SCML1: variants seen among roughly 807,000 people sequenced by gnomAD.
The protein encoded by SCML1 is Scm polycomb group protein like 1.
For synonymous variants in SCML1, 104 were observed against 103.6 expected (o/e 1.00, Z -0.02); for missense variants, 137 against 258.1 (o/e 0.53, Z 3.22).
In SCML1 at chrX:17,750,201, GTTC is replaced by G. The variant is rs1569330623; in HGVS notation, c.618_620del (p.Ser207del). ...TATGCATCTGATGGTGCAACGTATG[GTTC>G]TTCTTCAGGGCTCTGCCTTGGCAAC... On this transcript the variant is annotated inframe_deletion, in exon 6 of 8. Coordinates refer to ENST00000380041, the MANE Select transcript of SCML1 (RefSeq NM_001037540.3). 2 of 1,211,868 alleles carry G rather than the reference GTTC, an allele frequency of 1.7e-6. No individual in the cohort carries two copies. Among genetic ancestry groups the G allele is most frequent in the Non-Finnish European group, 2.2e-6 (2 of 895,431 alleles).
Position 17,750,430 on chromosome X carries a change from C to T in SCML1, c.703+137C>T, listed in dbSNP as rs760565665. ...TGGTGAGTTTGAAATGCCATATTTA[C>T]AAGTAGCACTATTTGACCTATATTT... On this transcript the variant is annotated intron_variant, in intron 6 of 7. Transcript: ENST00000380041. 1.0e-4 allele frequency: 65 copies of T among 620,613 alleles called. No homozygotes were observed. The South Asian group carries it at 2.1e-3, about 20-fold the overall frequency. The allele number at this position is 620,613 out of a possible 1,213,427, so 51.1% of individuals were successfully genotyped here. A position where few individuals can be genotyped will look rare whatever the true frequency, so the allele number is the denominator to read the frequency against.
chrX:17,745,198 G>T (rs747496427), intron 2 of SCML1: 1 of 240,071 alleles, frequency 4.2e-6, no homozygotes, highest in African/African-American at 2.8e-5. Flanking sequence ...GGTGCTAAAG[G>T]ACTAGTCTTT....
intron 7 of SCML1, 29 bp from the exon 8 acceptor site, chrX:17,753,225 TATTA>T (rs1481889261): frequency 1.8e-6 from 2 of 1,092,342 alleles, no homozygotes; most frequent in Admixed American, 3.1e-5. Flanking sequence ...ATGGAAGCAT[TATTA>T]ATTATCGTTA....
At position 17,752,335 on chromosome X, in the gene SCML1, C is replaced by T. The variant is rs769952014; in HGVS notation, c.855+369C>T. ...CCACAAGCTATAACAGGGTGGCCTT[C>T]GTTTTATATAACCAGTGATTCAACA... On this transcript the variant is annotated intron_variant, in intron 7 of 7. Transcript: ENST00000380041. Among the ~76,000 whole-genome samples the T allele has an allele frequency of 5.4e-5, 6 of 111,952 alleles. No homozygotes were observed. The South Asian group carries it at 1.5e-3, about 28-fold the overall frequency.
Position 17,740,524 on chromosome X carries a change from A to G in SCML1, c.-117+2844A>G, listed in dbSNP as rs181061731. 1.8e-3 allele frequency among the ~76,000 whole-genome samples: 200 copies of G among 111,931 alleles called. 1 individual carries two copies. Among genetic ancestry groups the G allele is most frequent in the African/African-American group, 6.1e-3 (187 of 30,750 alleles). On this transcript the variant is annotated intron_variant, in intron 1 of 7. Coordinates refer to ENST00000380041, the MANE Select transcript of SCML1 (RefSeq NM_001037540.3). ...ACAGACAAAAAAAAAAAAGGATTTA[A>G]GTAAGTTGTTCAACTTACTTACACA... is the stretch of plus-strand genomic sequence containing the variant.
chrX:17,747,994 T>C (rs1459190630), intron 4 of SCML1, among the ~76,000 whole-genome samples: 1 of 111,098 alleles, frequency 9.0e-6, no homozygotes, highest in Non-Finnish European at 1.9e-5. Flanking sequence ...TGGTTCTCAC[T>C]AGGGCCATCA....
Position 17,753,367 on chromosome X carries a change from A to G in SCML1, c.965A>G (p.Lys322Arg). The change falls in exon 8 of 8, where the codon AAA (lysine) becomes AGA (arginine). Residue 322 changes from lysine (K) to arginine (R), a missense_variant. Physicochemically the swap from Lys to Arg is conservative, Grantham distance 26. Transcript: ENST00000380041. ...CTATGCTACTACATTGACCGACTTA[A>G]ACAAGGAAAATGCTTTGAAAATTGA... Reference protein sequence around the residue: ...VKLCYYIDRLKQGKCFEN With the variant: ...VKLCYYIDRLRQGKCFEN The G allele has an allele frequency of 8.8e-7, 1 of 1,136,728 alleles. No homozygotes were observed. The highest frequency in any genetic ancestry group is 1.2e-6 in the Non-Finnish European group (1 of 855,023). 93.7% of individuals were successfully genotyped at this position (1,136,728 alleles called of 1,213,427 possible).
chrX:17,742,087 A>G (rs1049890071), intron 1 of SCML1, among the ~76,000 whole-genome samples: 5 of 112,276 alleles, frequency 4.5e-5, no homozygotes, highest in African/African-American at 1.3e-4. Context: ...TAGATCATCA[A>G]CCATGGAGGA....
chrX:17,745,952 C>G (rs1331819014), intron 3 of SCML1, 66 bp from the exon 4 acceptor site: 1 of 624,137 alleles, frequency 1.6e-6, no homozygotes, highest in East Asian at 3.5e-5. Context: ...TAGCTCCCCC[C>G]TGCCCCCAGT....
chrX:17,750,171 C>T lies in SCML1; in HGVS notation c.581C>T (p.Pro194Leu), dbSNP rs779485454. The T allele has an allele frequency of 9.1e-6, 11 of 1,210,323 alleles. No homozygotes were observed. The highest frequency in any genetic ancestry group is 3.5e-5 in the South Asian group (2 of 56,869). ...GATTTCTCTGAGCATAATTGTCAGCCGTATTATGCATCTGATGGTGCAACG... is the reference window on the plus strand; with the variant it reads ...GATTTCTCTGAGCATAATTGTCAGCTGTATTATGCATCTGATGGTGCAACG... ...PSDFSEHNCQPYYASDGATYG... is the reference protein window; with the variant it reads ...PSDFSEHNCQLYYASDGATYG... Residue 194 changes from proline (P) to leucine (L), a missense_variant, in exon 6 of 8, where the codon CCG (proline) becomes CTG (leucine). Coordinates refer to ENST00000380041, the MANE Select transcript of SCML1 (RefSeq NM_001037540.3).
At chrX:17,742,398 C>T (rs1285705825) in intron 1 of SCML1, among the ~76,000 whole-genome samples, 1 of 111,505 alleles carries the variant, frequency 9.0e-6, no homozygotes, top group East Asian at 2.8e-4. Flanking sequence ...TCAGCTGGAC[C>T]CCTCACCCCA....
At chrX:17,751,103 G>A (rs1209974232) in intron 6 of SCML1, among the ~76,000 whole-genome samples, 1 of 112,337 alleles carries the variant, frequency 8.9e-6, no homozygotes, top group African/African-American at 3.2e-5. Context: ...AATTAAACAT[G>A]AAAGAGGAAT....
chrX:17,751,685 C>G, intron 6 of SCML1, 130 bp from the exon 7 acceptor site: 3 of 678,183 alleles, frequency 4.4e-6, no homozygotes, highest in Non-Finnish European at 4.3e-6. Context: ...AGTCTTGACT[C>G]CTTGCTAGGA....
intron 4 of SCML1, among the ~76,000 whole-genome samples, chrX:17,748,498 A>G (rs1331012832): frequency 1.8e-5 from 2 of 110,490 alleles, no homozygotes; most frequent in African/African-American, 6.6e-5. Flanking sequence ...GAGCCACCGC[A>G]CCCGGCCAGG....
At chrX:17,752,052 G>T (rs1601881047) in intron 7 of SCML1, 86 bp downstream of exon 7, 1 of 981,613 alleles carries the variant, frequency 1.0e-6, no homozygotes, top group Non-Finnish European at 1.4e-6. Flanking sequence ...CTGTGTGAAT[G>T]GTGGGAGAAC....
chrX:17,750,026 C>T lies in SCML1; in HGVS notation c.436C>T (p.Arg146Cys), dbSNP rs746477197. The change falls in exon 6 of 8, where the codon CGT (arginine) becomes TGT (cysteine). Residue 146 changes from arginine to cysteine, a missense_variant. Coordinates refer to ENST00000380041, the MANE Select transcript of SCML1 (RefSeq NM_001037540.3). ...SYSPTLPVSR[R>C]ENNSPSNLPR... The stretch of plus-strand genomic sequence containing the variant: ...CAGCCCCACTTTACCAGTGTCAAGG[C>T]GTGAGAATAATTCCCCGAGCAACCT... The T allele has an allele frequency of 1.7e-6, 2 of 1,209,949 alleles. No homozygotes were observed. The highest frequency in any genetic ancestry group is 1.8e-5 in the African/African-American group (1 of 57,116).
At chrX:17,752,001 A>G (rs1432619177) in intron 7 of SCML1, 35 bp downstream of exon 7, 1 of 1,171,934 alleles carries the variant, frequency 8.5e-7, no homozygotes, top group African/African-American at 1.8e-5. Flanking sequence ...TCCTGCTGTA[A>G]TGCCTTTGAA....
intron 1 of SCML1, among the ~76,000 whole-genome samples, chrX:17,738,518 C>T (rs1000071516): frequency 4.5e-5 from 5 of 112,101 alleles, no homozygotes; most frequent in African/African-American, 1.6e-4. Flanking sequence ...CGATGGGATG[C>T]GGTTCTGGCG....
chrX:17,738,994 T>C (rs1486003954), intron 1 of SCML1, among the ~76,000 whole-genome samples: 1 of 112,364 alleles, frequency 8.9e-6, no homozygotes, highest in African/African-American at 3.2e-5. Flanking sequence ...ATAGTTTAAA[T>C]TTCTGTGGTA....
Sources: gnomAD v4.1 joint callset for allele counts (sites outside exome capture counted in the v4.1 genomes callset) on GRCh38, gnomAD v4.1.1 for gene constraint, MANE v1.5 for transcripts, NCBI Gene and HGNC (gene_info 2026-07-23, HGNC 2026-07-21) for gene names.